The following DDX56 variants were observed in gnomAD, a reference collection of about 807,000 sequenced individuals.
DDX56 encodes DEAD-box helicase 56, also known as probable ATP-dependent RNA helicase DDX56.
In DDX56, 45 loss-of-function variants were observed where a neutral mutation model predicts 61.5. The observed-to-expected ratio is 0.73, with a 90% CI of 0.58 to 0.94. The LOEUF (loss-of-function observed/expected upper bound fraction) is 0.94. DDX56 is among the 40% of genes least tolerant of loss of function. DDX56 has a pLI of 0.00. For missense variants in DDX56, 708 were observed against 690.7 expected, an observed-to-expected ratio of 1.02 and a Z score of -0.28; for synonymous variants, 273 against 268.3, an observed-to-expected ratio of 1.02 and a Z score of -0.17.
At chr7:44,566,290 C>G in intron 13 of DDX56, 158 bp downstream of exon 13, 1 of 779,956 alleles carries the variant, frequency 1.3e-6, no homozygotes, top group South Asian at 1.5e-5. Context: ...CTATCCCACA[C>G]CAGATTTTTG....
chr7:44,570,811 G>C lies in DDX56; in HGVS notation c.957C>G (p.Val319=), dbSNP rs960152366. ...GCTTGCCCTTGACTGGGGCCCCCAG[G>C]ACTTCAGCATCAGTTGCTATGACAC... ...YDCVIATDAE[V]LGAPVKGKRR... is the part of the protein sequence containing the mutation. Residue 319 remains valine, a synonymous_variant, in exon 7 of 14, where the codon GTC becomes GTG. Coordinates refer to ENST00000258772, the MANE Select transcript of DDX56 (RefSeq NM_019082.4). The C allele has an allele frequency of 1.2e-6, 2 of 1,613,988 alleles. No homozygotes were observed. Among genetic ancestry groups the C allele is most frequent in the Non-Finnish European group, 1.7e-6 (2 of 1,179,874 alleles).
rs774566321 is a variant in DDX56 at position 44,570,777 on chromosome 7, G to C, written c.991C>G (p.Arg331Gly). Reference sequence around the variant, plus strand: ...ACTCACTTGTCCCCTTTGGGCCCTCGGCCCCGACGCTTGCCCTTGACTGGG... The same window carrying C: ...ACTCACTTGTCCCCTTTGGGCCCTCCGCCCCGACGCTTGCCCTTGACTGGG... ...GAPVKGKRRG[R>G]GPKGDKASDP... Residue 331 changes from arginine (R) to glycine (G), a missense_variant, in exon 7 of 14, where the codon CGA becomes GGA. Coordinates refer to ENST00000258772, the MANE Select transcript of DDX56 (RefSeq NM_019082.4). 6.2e-7 allele frequency: 1 copy of C among 1,612,844 alleles called. No individual in the cohort carries two copies. Among genetic ancestry groups the C allele is most frequent in the Admixed American group, 1.7e-5 (1 of 59,870 alleles).
At chr7:44,570,386 C>T (rs1360608871) in intron 7 of DDX56, among the ~76,000 whole-genome samples, 1 of 152,210 alleles carries the variant, frequency 6.6e-6, no homozygotes, top group East Asian at 1.9e-4. Context: ...ATCTGAAAAC[C>T]AACTCTGAGC....
intron 13 of DDX56, 47 bp from the exon 14 acceptor site, chr7:44,566,126 A>C: frequency 7.8e-7 from 1 of 1,284,168 alleles, no homozygotes; most frequent in Non-Finnish European, 1.1e-6. Context: ...AGGCCGACAG[A>C]CAATCCACCC....
chr7:44,566,346 T>C (rs1355215035), intron 13 of DDX56, 102 bp downstream of exon 13: 5 of 1,137,256 alleles, frequency 4.4e-6, no homozygotes, highest in South Asian at 1.3e-5. Context: ...TAGGGCACCC[T>C]CTCTTCCCCT....
intron 2 of DDX56, 60 bp downstream of exon 2, chr7:44,573,523 C>CCTCA: frequency 6.3e-7 from 1 of 1,584,066 alleles, no homozygotes; most frequent in South Asian, 1.1e-5. Context: ...AAACGGGAAC[C>CCTCA]GCCCTTCCCA....
chr7:44,567,405 C>T (rs760418272), intron 12 of DDX56, among the ~76,000 whole-genome samples: 1 of 152,210 alleles, frequency 6.6e-6, no homozygotes, highest in Non-Finnish European at 1.5e-5. Flanking sequence ...CACCACTCTC[C>T]TCCTTCAATC....
rs1802708490 is a variant in DDX56 at position 44,572,722 on chromosome 7, C to G, written c.406G>C (p.Asp136His). 7 of 1,614,112 alleles carry G rather than the reference C, an allele frequency of 4.3e-6. No homozygotes were observed. The highest frequency in any genetic ancestry group is 1.6e-4 in the Middle Eastern group (1 of 6,084). Residue 136 changes from aspartate (D) to histidine (H), a missense_variant, in exon 4 of 14, where the codon GAT (aspartate) becomes CAT (histidine). Transcript: ENST00000258772. ...CGAGATGGGGTCCCTACTACCACAT[C>G]TGGCTTCTCCATCAGCACAGCTCTG... ...SQRAVLMEKP[D>H]VVVGTPSRIL...
intron 2 of DDX56, 151 bp downstream of exon 2, chr7:44,573,432 C>G: frequency 9.4e-7 from 1 of 1,062,108 alleles, no homozygotes. Flanking sequence ...AACCTGAACT[C>G]CAGCCCAGAG....
chr7:44,567,877 C>G, intron 12 of DDX56: 1 of 561,536 alleles, frequency 1.8e-6, no homozygotes, highest in Admixed American at 3.0e-5. Flanking sequence ...GCCACCCACC[C>G]TGCACTACCT....
At chr7:44,571,366 G>A (rs1802664716) in intron 6 of DDX56, 126 bp downstream of exon 6, 1 of 1,121,748 alleles carries the variant, frequency 8.9e-7, no homozygotes, top group Non-Finnish European at 1.3e-6. Context: ...GGAGTTGGGA[G>A]AAGTCAGTAT....
At chr7:44,568,097 G>T (rs1562583136) in intron 12 of DDX56, 21 bp downstream of exon 12, 1 of 1,585,742 alleles carries the variant, frequency 6.3e-7, no homozygotes, top group Admixed American at 1.7e-5. Context: ...GCTGCCTCCT[G>T]CCCTGTCAGG....
chr7:44,570,532 C>T (rs140300430), intron 7 of DDX56, among the ~76,000 whole-genome samples: 1 of 152,254 alleles, frequency 6.6e-6, no homozygotes, highest in Non-Finnish European at 1.5e-5. Flanking sequence ...TGCATGCCAA[C>T]AACCCCGGCA....
rs1203702318 is a variant in DDX56, at chr7:44,570,836, C to T, written c.932G>A (p.Cys311Tyr). The T allele has an allele frequency of 1.2e-6, 2 of 1,613,952 alleles. No homozygotes were observed. The highest frequency in any genetic ancestry group is 1.3e-5 in the African/African-American group (1 of 74,946). ...ISQFNQGFYD[C>Y]VIATDAEVLG... is the part of the protein sequence containing the mutation. ...GACTTCAGCATCAGTTGCTATGACA[C>T]AGTCGTAGAAGCCTTGGTTGAACTG... Residue 311 changes from cysteine (C) to tyrosine (Y), a missense_variant, in exon 7 of 14, where the codon TGT becomes TAT. Cys to Tyr is a radical substitution (Grantham distance 194). Transcript: ENST00000258772.
chr7:44,572,371 G>T lies in DDX56; in HGVS notation c.621C>A (p.Leu207=). 1 of 1,614,016 alleles carries T rather than the reference G, an allele frequency of 6.2e-7. No homozygotes were observed. Among genetic ancestry groups the T allele is most frequent in the South Asian group, 1.1e-5 (1 of 91,042 alleles). ...SATFNEDVQA[L]KELILHNPVT... ...CCGGGTTATGTAATATCAGCTCCTTGAGTGCTTGTACGTCCTCGTTAAAAG... is the reference window on the plus strand; with the variant it reads ...CCGGGTTATGTAATATCAGCTCCTTTAGTGCTTGTACGTCCTCGTTAAAAG... The change falls in exon 5 of 14, where the codon CTC becomes CTA. Residue 207 remains leucine (L), a synonymous_variant. Transcript: ENST00000258772.
At position 44,569,866 on chromosome 7, in the gene DDX56, A is replaced by G; in HGVS notation, c.1162T>C (p.Phe388Leu). 1 of 1,611,330 alleles carries G rather than the reference A, an allele frequency of 6.2e-7. No homozygotes were observed. The highest frequency in any genetic ancestry group is 8.5e-7 in the Non-Finnish European group (1 of 1,178,628). ...TGGAACTGCTCCGTGGGAAGCACAA[A>G]GGTTAAGACTATGCCTGGGTTGTTA... Reference protein sequence around the residue: ...RANNPGIVLTFVLPTEQFHLG... With the variant: ...RANNPGIVLTLVLPTEQFHLG... The change falls in exon 9 of 14, where the codon TTT becomes CTT. Residue 388 changes from phenylalanine to leucine, a missense_variant. Physicochemically the swap from Phe to Leu is conservative, Grantham distance 22. Transcript: ENST00000258772.
At chr7:44,570,547 T>G (rs914608849) in intron 7 of DDX56, among the ~76,000 whole-genome samples, 1 of 152,252 alleles carries the variant, frequency 6.6e-6, no homozygotes, top group African/African-American at 2.4e-5. Context: ...CCGGCAGTTT[T>G]GCCCTTCGTG....
At chr7:44,566,250 C>A in intron 13 of DDX56, 171 bp from the exon 14 acceptor site, 1 of 685,998 alleles carries the variant, frequency 1.5e-6, no homozygotes, top group Non-Finnish European at 2.5e-6. Flanking sequence ...GAAAGAAAAG[C>A]AGGGCCTGCA....
intron 6 of DDX56, among the ~76,000 whole-genome samples, chr7:44,571,092 G>A (rs1021846518): frequency 2.0e-5 from 3 of 152,224 alleles, no homozygotes; most frequent in Admixed American, 1.3e-4. Context: ...AGGCTGGAGT[G>A]CAATGGCACG....
Sources: allele counts gnomAD v4.1 joint callset (sites outside exome capture counted in the v4.1 genomes callset), GRCh38; gene constraint gnomAD v4.1.1; transcripts MANE v1.5; gene names NCBI Gene and HGNC (gene_info 2026-07-23, HGNC 2026-07-21).